The following BFSP1 variants were observed in gnomAD, a reference collection of about 807,000 sequenced individuals.
BFSP1 encodes beaded filament structural protein 1.
A neutral mutation model predicts 43.9 loss-of-function variants in BFSP1; 38 were observed. The observed-to-expected ratio is 0.87, with a 90% confidence interval of 0.67 to 1.14. The LOEUF (loss-of-function observed/expected upper bound fraction) is 1.14, where lower values mean the gene tolerates loss of function less well. BFSP1 is among the 50% of genes most tolerant of loss of function. BFSP1 has a pLI of 0.00. For synonymous variants in BFSP1, 352 were observed against 354.8 expected, an observed-to-expected ratio of 0.99 and a Z score of 0.09; for missense variants, 850 against 875.1, an observed-to-expected ratio of 0.97 and a Z score of 0.36.
chr20:17,547,897 A>ATTTTTTTTTTTTTTT (rs71192391), intron 1 of BFSP1, among the ~76,000 whole-genome samples: 18 of 101,874 alleles, frequency 1.8e-4, no homozygotes, highest in African/African-American at 3.1e-4. Context: ...TGCCCGGCCA[A>ATTTTTTTTTTTTTTT]TTTTTTTTTT....
At chr20:17,537,649 G>T (rs930937019) in intron 1 of BFSP1, among the ~76,000 whole-genome samples, 3 of 150,898 alleles carry the variant, frequency 2.0e-5, no homozygotes, top group African/African-American at 7.3e-5. Context: ...CCGACAAAAG[G>T]CAGGATTACC....
At chr20:17,566,730 C>T (rs559347552) in intron 1 of BFSP1, among the ~76,000 whole-genome samples, 40 of 152,314 alleles carry the variant, frequency 2.6e-4, no homozygotes, top group African/African-American at 9.6e-4. Context: ...TCTCAGCTCA[C>T]TGCAGCCCCT....
intron 5 of BFSP1, among the ~76,000 whole-genome samples, chr20:17,508,569 A>G (rs1216352773): frequency 6.6e-6 from 1 of 152,190 alleles, no homozygotes; most frequent in Non-Finnish European, 1.5e-5. Context: ...TGCATGATGT[A>G]GACACTGGGG....
chr20:17,505,714 T>C (rs1321260361), intron 5 of BFSP1, among the ~76,000 whole-genome samples: 2 of 152,118 alleles, frequency 1.3e-5, no homozygotes, highest in Non-Finnish European at 2.9e-5. Context: ...ATTCGCCCAC[T>C]CCCTGGGACC....
intron 1 of BFSP1, among the ~76,000 whole-genome samples, chr20:17,539,501 C>T (rs925785667): frequency 1.4e-4 from 21 of 152,042 alleles, no homozygotes; most frequent in Admixed American, 4.6e-4. Flanking sequence ...TCGCCCAGCA[C>T]TTTGGGAGGC....
chr20:17,558,432 G>A (rs867463382), intron 1 of BFSP1, among the ~76,000 whole-genome samples: 1 of 152,172 alleles, frequency 6.6e-6, no homozygotes, highest in South Asian at 2.1e-4. Flanking sequence ...AAAGCTTTTG[G>A]AAGTGGAGCC....
chr20:17,558,773 G>A (rs573815956), exon 1 of BFSP1: 1 of 1,542,934 alleles, frequency 6.5e-7, no homozygotes, highest in Admixed American at 2.0e-5. Context: ...GCTGCCTGAG[G>A]TACCCTGCCT....
At chr20:17,567,213 C>T (rs1285395707) in intron 1 of BFSP1, among the ~76,000 whole-genome samples, 3 of 152,088 alleles carry the variant, frequency 2.0e-5, no homozygotes, top group Admixed American at 1.3e-4. Flanking sequence ...AAAATGGGGG[C>T]TCATCTTAAG....
chr20:17,498,109 G>A (rs2033700065), intron 6 of BFSP1, among the ~76,000 whole-genome samples: 1 of 152,194 alleles, frequency 6.6e-6, no homozygotes, highest in South Asian at 2.1e-4. Context: ...AGCTGCTCCT[G>A]GTGGGGACCT....
chr20:17,523,620 C>A (rs1224310654), intron 2 of BFSP1, among the ~76,000 whole-genome samples: 2 of 150,236 alleles, frequency 1.3e-5, no homozygotes, highest in African/African-American at 4.9e-5. Flanking sequence ...GAAGTGCATT[C>A]TCACTGCCAT....
intron 1 of BFSP1, among the ~76,000 whole-genome samples, chr20:17,556,424 G>C (rs1308791637): frequency 6.6e-6 from 1 of 152,114 alleles, no homozygotes; most frequent in African/African-American, 2.4e-5. Flanking sequence ...CTTGAACCCA[G>C]GAGTTTGAGG....
chr20:17,511,893 CCAA>C, intron 4 of BFSP1, 80 bp downstream of exon 4: 1 of 1,284,362 alleles, frequency 7.8e-7, no homozygotes, highest in Non-Finnish European at 1.1e-6. Context: ...CCCTCACAGT[CCAA>C]CCTGTGAGCC....
upstream of BFSP1, among the ~76,000 whole-genome samples, chr20:17,561,490 C>G (rs956952888): frequency 1.3e-5 from 2 of 150,782 alleles, no homozygotes; most frequent in African/African-American, 2.4e-5. Flanking sequence ...CAGAGCGAAA[C>G]TCCGCCTCAA....
At chr20:17,553,699 C>A (rs990410764) in intron 1 of BFSP1, among the ~76,000 whole-genome samples, 2 of 149,772 alleles carry the variant, frequency 1.3e-5, no homozygotes, top group African/African-American at 2.5e-5. Context: ...CAAGGCCTTT[C>A]GGATTTATTA....
Position 17,531,225 on chromosome 20 carries a change from C to T in BFSP1, c.105G>A (p.Trp35Ter). The change falls in exon 1 of 8, where the codon TGG becomes TGA. Residue 35 changes from tryptophan to a stop codon, truncating the protein, a stop_gained. Transcript: ENST00000377873. LOFTEE classifies it high-confidence loss of function. ...GCGCCGCCAGGCTCGTTGCCCCAGC[C>T]CAGCCCTCGTCGGCCGGGCGCTCGG... ...AEPERPADEG[W>*]AGATSLAALQ... 7.2e-7 allele frequency: 1 copy of T among 1,384,442 alleles called. No homozygotes were observed. The highest frequency in any genetic ancestry group is 9.4e-7 in the Non-Finnish European group (1 of 1,068,446). 85.8% of individuals were successfully genotyped at this position (1,384,442 alleles called of 1,614,324 possible). A position where few individuals can be genotyped will look rare whatever the true frequency, so the allele number is the denominator to read the frequency against.
upstream of BFSP1, among the ~76,000 whole-genome samples, chr20:17,559,339 G>A (rs1003094646): frequency 1.5e-4 from 23 of 152,350 alleles, no homozygotes; most frequent in African/African-American, 5.1e-4. Context: ...GACTGCGTTA[G>A]TATTACTAGA....
intron 1 of BFSP1, among the ~76,000 whole-genome samples, chr20:17,548,393 C>T (rs911167437): frequency 1.3e-5 from 2 of 152,170 alleles, no homozygotes; most frequent in African/African-American, 2.4e-5. Context: ...ATTTGCCTTA[C>T]AGGCTCTCTT....
chr20:17,517,995 T>C (rs1000035629), intron 2 of BFSP1, among the ~76,000 whole-genome samples: 1 of 151,814 alleles, frequency 6.6e-6, no homozygotes, highest in Non-Finnish European at 1.5e-5. Flanking sequence ...GTGTCCAGAG[T>C]CATTCCTCAC....
At chr20:17,517,228 T>G in intron 2 of BFSP1, 1 of 978,126 alleles carries the variant, frequency 1.0e-6, no homozygotes, top group Non-Finnish European at 1.6e-6. Flanking sequence ...GGTGCTGGAG[T>G]GTTTATGGCA....
Sources: gnomAD v4.1 joint callset for allele counts (sites outside exome capture counted in the v4.1 genomes callset) on GRCh38, gnomAD v4.1.1 for gene constraint, MANE v1.5 for transcripts, NCBI Gene and HGNC (gene_info 2026-07-23, HGNC 2026-07-21) for gene names.